MYO18B: variants seen among roughly 807,000 people sequenced by gnomAD.
MYO18B encodes myosin XVIIIB, also known as unconventional myosin-XVIIIb.
A neutral mutation model predicts 273.0 loss-of-function variants in MYO18B; 204 were observed. The observed-to-expected ratio is 0.75, with a 90% CI of 0.67 to 0.84. The LOEUF (loss-of-function observed/expected upper bound fraction) is 0.84, where lower values mean the gene tolerates loss of function less well. Among genes scored for constraint, MYO18B ranks in the 40% least tolerant of loss-of-function variants. The pLI, the probability that MYO18B is intolerant of heterozygous loss-of-function variation, is 0.00. For missense variants in MYO18B, 3,212 were observed against 3,287.6 expected (o/e 0.98, Z 0.56); for synonymous variants, 1,330 against 1,305.7 (o/e 1.02, Z -0.40).
At position 25,950,447 on chromosome 22, in the gene MYO18B, A is replaced by G. The variant is rs1158474538; in HGVS notation, c.5829A>G (p.Glu1943=). ...EAKKEKHKLQ[E]QLQVAQMRIE... ...AGAAGGAGAAGCACAAGCTACAAGA[A>G]CAAGTATGTGCTCAGAGCCATCCTA... The change falls in exon 37 of 44, where the codon GAA becomes GAG. Residue 1943 remains glutamate, a synonymous_variant. Coordinates refer to ENST00000335473, the MANE Select transcript of MYO18B (RefSeq NM_032608.7). 1.2e-6 allele frequency: 2 copies of G among 1,601,496 alleles called. No individual in the cohort carries two copies. The highest frequency in any genetic ancestry group is 1.7e-6 in the Non-Finnish European group (2 of 1,173,818).
rs551395410 is a variant in MYO18B, at chr22:25,851,893, A to G, written c.3885+314A>G. 7.3e-4 allele frequency among the ~76,000 whole-genome samples: 111 copies of G among 152,292 alleles called. 1 individual carries two copies. The highest frequency in any genetic ancestry group is 2.6e-3 in the African/African-American group (109 of 41,564). On this transcript the variant is annotated intron_variant, in intron 21 of 43. Transcript: ENST00000335473. ...GGTTTCACTCAAATTCTTGCTCTAG[A>G]CCAAACCCCCACAACAATGTCACTT...
intron 17 of MYO18B, 114 bp downstream of exon 17, chr22:25,835,557 A>ACATTCACCTCTGCAC: frequency 7.6e-7 from 1 of 1,314,568 alleles, no homozygotes; most frequent in Non-Finnish European, 1.1e-6. Context: ...TCCAACGTGC[A>ACATTCACCTCTGCAC]GAGGTGAATG....
At chr22:25,908,265 A>T in intron 31 of MYO18B, 57 bp from the exon 32 acceptor site, 1 of 1,338,800 alleles carries the variant, frequency 7.5e-7, no homozygotes, top group Non-Finnish European at 1.0e-6. Context: ...GATGACATGG[A>T]GGGCTTGGAG....
the MYO18B span, among the ~76,000 whole-genome samples, chr22:26,050,676 A>G: frequency 1.3e-5 from 2 of 152,148 alleles, no homozygotes; most frequent in Non-Finnish European, 2.9e-5. Flanking sequence ...TCTTAACCCC[A>G]CTATGCTTTA....
chr22:25,856,935 A>C (rs981694362), intron 21 of MYO18B, among the ~76,000 whole-genome samples: 3 of 152,150 alleles, frequency 2.0e-5, no homozygotes, highest in Non-Finnish European at 4.4e-5. Flanking sequence ...AGCGAAGTCC[A>C]TGCTGCCCAT....
At position 25,768,915 on chromosome 22, in the gene MYO18B, TAAG is replaced by T. The variant is rs770290604; in HGVS notation, c.1003_1005del (p.Lys335del). On this transcript the variant is annotated inframe_deletion, in exon 4 of 44. Transcript: ENST00000335473. The stretch of plus-strand genomic sequence containing the variant: ...GGAGTAAGTGGGACGGTCCCCAGAA[TAAG>T]AAGGACAAAGAAGGGGTGCTCTTAA... The T allele has an allele frequency of 3.1e-6, 5 of 1,612,348 alleles. No homozygotes were observed. Among genetic ancestry groups the T allele is most frequent in the South Asian group, 1.1e-5 (1 of 90,606 alleles).
intron 33 of MYO18B, among the ~76,000 whole-genome samples, chr22:25,920,210 G>A (rs2092321440): frequency 6.6e-6 from 1 of 152,128 alleles, no homozygotes; most frequent in Non-Finnish European, 1.5e-5. Context: ...CAGTGTTGAG[G>A]CATCTGCACC....
intron 1 of MYO18B, among the ~76,000 whole-genome samples, chr22:25,743,903 T>A (rs2085700793): frequency 6.6e-6 from 1 of 152,184 alleles, no homozygotes; most frequent in Admixed American, 6.5e-5. Context: ...ATCAGACTCA[T>A]GTGGGGCAGG....
chr22:25,964,132 T>C (rs2092950466), intron 39 of MYO18B: 1 of 152,392 alleles, frequency 6.6e-6, no homozygotes, highest in Non-Finnish European at 1.5e-5. Context: ...ACAGTCATCC[T>C]CTTGAAGCAT....
At chr22:26,005,779 G>T (rs1934368229) in intron 42 of MYO18B, among the ~76,000 whole-genome samples, 1 of 152,164 alleles carries the variant, frequency 6.6e-6, no homozygotes, top group Non-Finnish European at 1.5e-5. Flanking sequence ...TTGCTTTGAT[G>T]CAGGGGTTGT....
chr22:25,838,866 T>C (rs970235562), intron 17 of MYO18B, among the ~76,000 whole-genome samples: 1 of 70,272 alleles, frequency 1.4e-5, no homozygotes, highest in Non-Finnish European at 3.0e-5. Context: ...TGTGTGAACA[T>C]GTTTGTGTAT....
At position 25,947,487 on chromosome 22, in the gene MYO18B, TACACACACAC is replaced by T. The variant is rs57844236; in HGVS notation, c.5632-178_5632-169del. Among the ~76,000 whole-genome samples, 1,026 of 110,634 alleles carry T rather than the reference TACACACACAC, an allele frequency of 9.3e-3. 1 individual carries two copies. The highest frequency in any genetic ancestry group is 0.019 in the Middle Eastern group (4 of 214). The allele number at this position is 110,634 out of a possible 152,430, so 72.6% of individuals were successfully genotyped here. A position where few individuals can be genotyped will look rare whatever the true frequency, so the allele number is the denominator to read the frequency against. On this transcript the variant is annotated intron_variant, in intron 35 of 43. Coordinates refer to ENST00000335473, the MANE Select transcript of MYO18B (RefSeq NM_032608.7). ...ATTCATAGTCACATGTAATGCCTAA[TACACACACAC>T]ACACACACACACACACACACACACA...
chr22:25,868,207 C>T, intron 21 of MYO18B, 113 bp from the exon 22 acceptor site: 1 of 858,848 alleles, frequency 1.2e-6, no homozygotes, highest in Non-Finnish European at 1.9e-6. Context: ...AGCTCACAGA[C>T]ATGTGGGGTC....
intron 39 of MYO18B, among the ~76,000 whole-genome samples, chr22:25,982,060 G>C (rs1285500669): frequency 6.6e-6 from 1 of 152,164 alleles, no homozygotes; most frequent in East Asian, 1.9e-4. Flanking sequence ...AGGAGGAAGA[G>C]AGAAAAGGGG....
intron 16 of MYO18B, among the ~76,000 whole-genome samples, chr22:25,833,843 C>CCCCT: frequency 6.6e-6 from 1 of 152,218 alleles, no homozygotes; most frequent in Non-Finnish European, 1.5e-5. Context: ...CTGCAGGCTG[C>CCCCT]CCCTCCCCTT....
At chr22:25,961,763 T>C (rs1016548163) in intron 39 of MYO18B, among the ~76,000 whole-genome samples, 2 of 152,192 alleles carry the variant, frequency 1.3e-5, no homozygotes, top group African/African-American at 4.8e-5. Flanking sequence ...AGGCTGCACC[T>C]GTTGGGTTTT....
At chr22:25,882,774 A>C (rs747979447) in intron 25 of MYO18B, among the ~76,000 whole-genome samples, 1 of 152,186 alleles carries the variant, frequency 6.6e-6, no homozygotes, top group African/African-American at 2.4e-5. Flanking sequence ...AGAGCGTACA[A>C]TGGCAGTTTT....
At position 25,904,944 on chromosome 22, in the gene MYO18B, A is replaced by T. The variant is rs1052151487; in HGVS notation, c.5148+1113A>T. 2.1e-3 allele frequency among the ~76,000 whole-genome samples: 49 copies of T among 23,300 alleles called. 1 individual carries two copies. Among genetic ancestry groups the T allele is most frequent in the Admixed American group, 0.011 (42 of 3,700 alleles). The allele number at this position is 23,300 out of a possible 152,430, so 15.3% of individuals were successfully genotyped here. On this transcript the variant is annotated intron_variant, in intron 31 of 43. Coordinates refer to ENST00000335473, the MANE Select transcript of MYO18B (RefSeq NM_032608.7). The stretch of plus-strand genomic sequence containing the variant: ...GAAATGTGAGTTACATGCCTGAGAT[A>T]AAAAAAAAAAAAAAATTTCTAGGGG...
At chr22:26,015,363 C>T (rs1380242877) in intron 42 of MYO18B, among the ~76,000 whole-genome samples, 2 of 152,138 alleles carry the variant, frequency 1.3e-5, no homozygotes, top group African/African-American at 2.4e-5. Context: ...TGGTTCATCA[C>T]AACACCATTC....
Sources: allele counts gnomAD v4.1 joint callset (sites outside exome capture counted in the v4.1 genomes callset), GRCh38; gene constraint gnomAD v4.1.1; transcripts MANE v1.5; gene names NCBI Gene and HGNC (gene_info 2026-07-23, HGNC 2026-07-21).